The following ZNF497 variants were observed in gnomAD, a reference collection of about 807,000 sequenced individuals.
The protein encoded by ZNF497 is zinc finger protein 497, also known as zinc finger-like protein.
For missense variants in ZNF497, 930 were observed against 714.0 expected (o/e 1.30, Z -3.45); for synonymous variants, 422 against 313.7 (o/e 1.35, Z -3.65).
In ZNF497 at chr19:58,356,433, C is replaced by T. The variant is rs1480731172; in HGVS notation, c.1203G>A (p.Leu401=). 4 of 1,559,500 alleles carry T rather than the reference C, an allele frequency of 2.6e-6. No individual in the cohort carries two copies. Among genetic ancestry groups the T allele is most frequent in the Admixed American group, 3.7e-5 (2 of 53,932 alleles). The part of the protein sequence containing the change: ...CGKAFRGSSG[L]AHHRLSHTGE... The stretch of plus-strand genomic sequence containing the variant: ...CCGTGTGCGAAAGCCGGTGGTGCGC[C>T]AGGCCGGAACTGCCGCGGAAGGCCT... The change falls in exon 3 of 3, where the codon CTG becomes CTA. Residue 401 remains leucine, a synonymous_variant. Transcript: ENST00000311044.
Position 58,356,946 on chromosome 19 carries a change from G to A in ZNF497, c.690C>T (p.Asn230=), listed in dbSNP as rs1434077358. The A allele has an allele frequency of 6.2e-7, 1 of 1,603,060 alleles. No homozygotes were observed. Among genetic ancestry groups the A allele is most frequent in the Non-Finnish European group, 8.5e-7 (1 of 1,177,300 alleles). ...CGCGCCGGTGCTCCAGGAAATTGGA[G>A]TTCCAGCTGAAGGCCTTGCCGCACT... is the stretch of plus-strand genomic sequence containing the variant. ...CPECGKAFSW[N]SNFLEHRRVH... Residue 230 remains asparagine, a synonymous_variant, in exon 3 of 3, where the codon AAC becomes AAT. Coordinates refer to ENST00000311044, the MANE Select transcript of ZNF497 (RefSeq NM_198458.3).
Position 58,356,211 on chromosome 19 carries a change from G to A in ZNF497, c.1425C>T (p.Cys475=), listed in dbSNP as rs1568557150. The change falls in exon 3 of 3, where the codon TGC becomes TGT. Residue 475 remains cysteine (C), a synonymous_variant. Transcript: ENST00000311044. ...TGCAACGGTGGCTGAAAGGCTTCCC[G>A]CACTCGCCGCAAGCGTAGGGCCTCT... ...TGERPYACGE[C]GKPFSHRCNL... is the part of the protein sequence containing the mutation. 11 of 1,601,176 alleles carry A rather than the reference G, an allele frequency of 6.9e-6. No individual in the cohort carries two copies. The highest frequency in any genetic ancestry group is 1.7e-4 in the Middle Eastern group (1 of 5,944).
chr19:58,359,426 G>A (rs763516353), intron 1 of ZNF497: 11 of 476,230 alleles, frequency 2.3e-5, no homozygotes, highest in Admixed American at 4.7e-5. Flanking sequence ...GGGTATCGGC[G>A]TTTCTGGCCC....
intron 1 of ZNF497, chr19:58,359,638 C>A: frequency 2.8e-6 from 1 of 354,246 alleles, no homozygotes; most frequent in Middle Eastern, 3.9e-4. Flanking sequence ...AGAGTCAGAC[C>A]AGCAGATGGG....
Position 58,356,524 on chromosome 19 carries a change from G to A in ZNF497, c.1112C>T (p.Ser371Phe). 7.7e-6 allele frequency: 12 copies of A among 1,550,500 alleles called. No individual in the cohort carries two copies. The highest frequency in any genetic ancestry group is 1.0e-5 in the Non-Finnish European group (12 of 1,153,260). ...CGTGCGCCGGTGGCTCAGTAGGTTG[G>A]AGCGCTGGCTGAAGGCCTTGCCGCA... is the stretch of plus-strand genomic sequence containing the variant. ...AQCGKAFSQR[S>F]NLLSHRRTHS... The change falls in exon 3 of 3, where the codon TCC (serine) becomes TTC (phenylalanine). Residue 371 changes from serine (S) to phenylalanine (F), a missense_variant. Transcript: ENST00000311044.
Position 58,357,023 on chromosome 19 carries a change from GC to G in ZNF497, c.612del (p.Leu205TrpfsTer61). The G allele has an allele frequency of 1.9e-6, 3 of 1,609,866 alleles. No homozygotes were observed. The highest frequency in any genetic ancestry group is 2.5e-6 in the Non-Finnish European group (3 of 1,179,114). On this transcript the variant is annotated frameshift_variant, in exon 3 of 3. Transcript: ENST00000311044. ...DCGKSFGRST[T>X]LVQHRRTHTG... ...GTGTGCGTGCGTCGGTGCTGCACCA[GC>G]GTGGTGCTTCGGCCGAAGGACTTGC... is the stretch of plus-strand genomic sequence containing the variant.
chr19:58,358,075 G>A, intron 2 of ZNF497: 5 of 1,228,120 alleles, frequency 4.1e-6, no homozygotes, highest in Non-Finnish European at 5.2e-6. Flanking sequence ...ATTCCTGAAG[G>A]CTGGAGGACA....
In ZNF497 at chr19:58,356,558, A is replaced by G; in HGVS notation, c.1078T>C (p.Cys360Arg). ...CTGAAGGCCTTGCCGCACTGGGCGC[A>G]CGCATGAGGCTTCTCGCCCGTGTGC... The part of the protein sequence containing the change: ...RVHTGEKPHA[C>R]AQCGKAFSQR... The change falls in exon 3 of 3, where the codon TGC becomes CGC. Residue 360 changes from cysteine (C) to arginine (R), a missense_variant. By Grantham distance (180) the Cys-to-Arg change is radical. Coordinates refer to ENST00000311044, the MANE Select transcript of ZNF497 (RefSeq NM_198458.3). 3.9e-6 allele frequency: 6 copies of G among 1,547,936 alleles called. No homozygotes were observed. Among genetic ancestry groups the G allele is most frequent in the Non-Finnish European group, 5.2e-6 (6 of 1,151,398 alleles).
chr19:58,356,406 T>C lies in ZNF497; in HGVS notation c.1230A>G (p.Gly410=). 6.4e-7 allele frequency: 1 copy of C among 1,562,330 alleles called. No homozygotes were observed. Among genetic ancestry groups the C allele is most frequent in the Non-Finnish European group, 8.6e-7 (1 of 1,159,344 alleles). The change falls in exon 3 of 3, where the codon GGA becomes GGG. Residue 410 remains glycine (G), a synonymous_variant. Coordinates refer to ENST00000311044, the MANE Select transcript of ZNF497 (RefSeq NM_198458.3). ...GLAHHRLSHT[G]ERPFACAECG... ...ATTCTGCGCAGGCGAAGGGTCGCTC[T>C]CCCGTGTGCGAAAGCCGGTGGTGCG... is the stretch of plus-strand genomic sequence containing the variant.
In ZNF497 at chr19:58,360,820, C is replaced by T. The variant is rs1178767391; in HGVS notation, c.-112+1857G>A. The stretch of plus-strand genomic sequence containing the variant: ...TTTTTTGAGAAGAGTCTTGCTCTGT[C>T]GCCCAGGCTGGAGTCCAGTGGCGCT... On this transcript the variant is annotated intron_variant, in intron 1 of 2. Transcript: ENST00000311044. Among the ~76,000 whole-genome samples, 18 of 116,746 alleles carry T rather than the reference C, an allele frequency of 1.5e-4. No individual in the cohort carries two copies. The East Asian group carries it at 2.9e-3, about 19-fold the overall frequency. 76.6% of individuals were successfully genotyped at this position (116,746 alleles called of 152,430 possible).
At chr19:58,358,176 G>A in intron 2 of ZNF497, 4 of 1,290,008 alleles carry the variant, frequency 3.1e-6, no homozygotes, top group Non-Finnish European at 4.0e-6. Flanking sequence ...TGGGCAGCAT[G>A]TCCAGGCTGG....
Position 58,362,738 on chromosome 19 carries a change from G to C in ZNF497, c.-173C>G, listed in dbSNP as rs1209825246. ...CTGAAAGAGGCCCGCACGCGGGCTC[G>C]AGCCGCGTGGAATGGTAGGAGGGCG... On this transcript the variant is annotated 5_prime_UTR_variant, in exon 1 of 3. Coordinates refer to ENST00000311044, the MANE Select transcript of ZNF497 (RefSeq NM_198458.3). The C allele has an allele frequency of 1.3e-5, 2 of 152,166 alleles. No individual in the cohort carries two copies. The highest frequency in any genetic ancestry group is 1.9e-4 in the East Asian group (1 of 5,172). 9.4% of individuals were successfully genotyped at this position (152,166 alleles called of 1,614,324 possible). A position where few individuals can be genotyped will look rare whatever the true frequency, so the allele number is the denominator to read the frequency against.
At chr19:58,360,849 C>T (rs1350541074) in intron 1 of ZNF497, among the ~76,000 whole-genome samples, 2 of 121,226 alleles carry the variant, frequency 1.6e-5, no homozygotes, top group Admixed American at 2.1e-4. Context: ...TGGCGCTATC[C>T]TGGCTCACTG....
Position 58,357,971 on chromosome 19 carries a change from G to C in ZNF497, c.-14-322C>G. ...ACGCACCTGCACTGGCCCTACTGTG[G>C]CACCACTCTCCTCTCCTTGCTTCAC... On this transcript the variant is annotated intron_variant, in intron 2 of 2. Transcript: ENST00000311044. 4 of 1,293,942 alleles carry C rather than the reference G, an allele frequency of 3.1e-6. No individual in the cohort carries two copies. In the South Asian group the frequency reaches 6.3e-5, roughly 20 times the overall value. 80.2% of individuals were successfully genotyped at this position (1,293,942 alleles called of 1,614,324 possible).
chr19:58,356,004 G>A lies in ZNF497; in HGVS notation c.*135C>T, dbSNP rs943661949. On this transcript the variant is annotated 3_prime_UTR_variant, in exon 3 of 3. Transcript: ENST00000311044. Reference sequence around the variant, plus strand: ...TGCAGCCAGGGTTCTCCACACCCAAGGCCGCCCCTGCACTCCCAGCAGGAG... The same window carrying A: ...TGCAGCCAGGGTTCTCCACACCCAAAGCCGCCCCTGCACTCCCAGCAGGAG... 1.9e-6 allele frequency: 2 copies of A among 1,031,618 alleles called. No homozygotes were observed. Among genetic ancestry groups the A allele is most frequent in the South Asian group, 3.5e-5 (2 of 57,494 alleles). 63.9% of individuals were successfully genotyped at this position (1,031,618 alleles called of 1,614,324 possible). A position where few individuals can be genotyped will look rare whatever the true frequency, so the allele number is the denominator to read the frequency against.
rs927447343 is a variant in ZNF497, at chr19:58,356,564, G to T, written c.1072C>A (p.His358Asn). 1 of 1,539,140 alleles carries T rather than the reference G, an allele frequency of 6.5e-7. No individual in the cohort carries two copies. The highest frequency in any genetic ancestry group is 8.7e-7 in the Non-Finnish European group (1 of 1,148,336). The change falls in exon 3 of 3, where the codon CAT (histidine) becomes AAT (asparagine). Residue 358 changes from histidine to asparagine, a missense_variant. His to Asn is a moderately conservative substitution (Grantham distance 68). Coordinates refer to ENST00000311044, the MANE Select transcript of ZNF497 (RefSeq NM_198458.3). ...HRRVHTGEKP[H>N]ACAQCGKAFS... ...GCCTTGCCGCACTGGGCGCACGCAT[G>T]AGGCTTCTCGCCCGTGTGCACGCGC...
rs1031014534 is a variant in ZNF497 at position 58,356,229 on chromosome 19, G to C, written c.1407C>G (p.Pro469=). The change falls in exon 3 of 3, where the codon CCC becomes CCG. Residue 469 remains proline, a synonymous_variant. Coordinates refer to ENST00000311044, the MANE Select transcript of ZNF497 (RefSeq NM_198458.3). The part of the protein sequence containing the change: ...SHRRTHTGER[P]YACGECGKPF... ...GCTTCCCGCACTCGCCGCAAGCGTA[G>C]GGCCTCTCGCCCGTGTGCGTGCGCC... 2 of 1,606,852 alleles carry C rather than the reference G, an allele frequency of 1.2e-6. No homozygotes were observed. The highest frequency in any genetic ancestry group is 1.7e-6 in the Non-Finnish European group (2 of 1,176,848).
chr19:58,356,862 G>GCT lies in ZNF497; in HGVS notation c.772_773dup (p.Ser258ArgfsTer9). 6.3e-7 allele frequency: 1 copy of GCT among 1,587,364 alleles called. No homozygotes were observed. Among genetic ancestry groups the GCT allele is most frequent in the Non-Finnish European group, 8.5e-7 (1 of 1,171,928 alleles). On this transcript the variant is annotated frameshift_variant, in exon 3 of 3. Transcript: ENST00000311044. ...TCTTCAGGTGCTCGGCCAGGTTGGA[G>GCT]CTCTGGCTGAAGGCCTTGCCACAGT...
At chr19:58,359,155 C>G in intron 1 of ZNF497, 4 of 1,286,440 alleles carry the variant, frequency 3.1e-6, no homozygotes, top group Non-Finnish European at 4.1e-6. Flanking sequence ...AGCAGAACCC[C>G]CAGAAGCACT....
Sources: gnomAD v4.1 joint callset for allele counts (sites outside exome capture counted in the v4.1 genomes callset) on GRCh38, gnomAD v4.1.1 for gene constraint, MANE v1.5 for transcripts, NCBI Gene and HGNC (gene_info 2026-07-23, HGNC 2026-07-21) for gene names.